The following RPS6KC1 variants were observed in gnomAD, a reference collection of about 807,000 sequenced individuals.
RPS6KC1 encodes the protein inactive ribosomal protein S6 kinase delta-1.
In RPS6KC1, 54 loss-of-function variants were observed where a neutral mutation model predicts 103.8. The ratio of observed to expected loss-of-function variants is 0.52; its 90% CI spans 0.42 to 0.65. RPS6KC1 has a LOEUF of 0.65. Ranked by LOEUF, RPS6KC1 falls within the 30% of genes least tolerant of loss-of-function variation. The probability of loss-of-function intolerance (pLI) is 0.00; values close to 1 mark genes in which losing one functional copy is unlikely to be tolerated. For synonymous variants in RPS6KC1, 439 were observed against 438.7 expected, an observed-to-expected ratio of 1.00 and a Z score of -0.01; for missense variants, 1,151 against 1,253.8, an observed-to-expected ratio of 0.92 and a Z score of 1.24.
At chr1:213,437,560 A>C in the RPS6KC1 span, among the ~76,000 whole-genome samples, 1 of 152,032 alleles carries the variant, frequency 6.6e-6, no homozygotes, top group African/African-American at 2.4e-5. Flanking sequence ...CTTCTTTCTT[A>C]AATATTTAGA....
At chr1:213,505,144 C>T in the RPS6KC1 span, among the ~76,000 whole-genome samples, 5 of 152,192 alleles carry the variant, frequency 3.3e-5, no homozygotes, top group Admixed American at 6.5e-5. Context: ...CAAGTATCCC[C>T]TGAGATCCTA....
chr1:213,154,640 T>C (rs2089662392), intron 6 of RPS6KC1, among the ~76,000 whole-genome samples: 1 of 152,206 alleles, frequency 6.6e-6, no homozygotes, highest in African/African-American at 2.4e-5. Flanking sequence ...GGACTCACCC[T>C]TGAGGGTAGT....
intron 12 of RPS6KC1, 117 bp from the exon 13 acceptor site, chr1:213,261,441 G>A: frequency 2.3e-6 from 2 of 861,692 alleles, no homozygotes. Context: ...TGAAAGCCCA[G>A]TAGTATTTAG....
At chr1:213,803,301 C>T in the RPS6KC1 span, among the ~76,000 whole-genome samples, 7 of 136,288 alleles carry the variant, frequency 5.1e-5, no homozygotes, top group East Asian at 4.6e-4. Context: ...GGCTGGAGTA[C>T]GGTGGCATGA....
chr1:213,729,724 TTTTTTA>T, the RPS6KC1 span, among the ~76,000 whole-genome samples: 218 of 152,252 alleles, frequency 1.4e-3, 2 homozygotes, highest in African/African-American at 4.6e-3. Context: ...GACTTATTCT[TTTTTTA>T]TTTTTATTTT....
chr1:213,332,042 A>AAAAC, the RPS6KC1 span, among the ~76,000 whole-genome samples: 3 of 152,132 alleles, frequency 2.0e-5, no homozygotes, highest in Non-Finnish European at 4.4e-5. Context: ...AAAAAAAAAA[A>AAAAC]AAAAGACAAT....
Position 213,272,812 on chromosome 1 carries a change from T to C in RPS6KC1, c.*178T>C, listed in dbSNP as rs2095075997. ...ACAATTCGTTTACAATTACAAGATA[T>C]TAGCTAATTGTGCCAGGGGCTGTTA... On this transcript the variant is annotated 3_prime_UTR_variant, in exon 15 of 15. Transcript: ENST00000366960. The C allele has an allele frequency of 1.9e-6, 1 of 530,266 alleles. No individual in the cohort carries two copies. Among genetic ancestry groups the C allele is most frequent in the South Asian group, 2.1e-5 (1 of 47,390 alleles). The allele number at this position is 530,266 out of a possible 1,614,324, so 32.8% of individuals were successfully genotyped here. A position where few individuals can be genotyped will look rare whatever the true frequency, so the allele number is the denominator to read the frequency against.
At chr1:213,060,637 A>T (rs931258027) in intron 1 of RPS6KC1, among the ~76,000 whole-genome samples, 11 of 152,264 alleles carry the variant, frequency 7.2e-5, no homozygotes, top group African/African-American at 2.4e-4. Context: ...TGTCTCAGAT[A>T]TTAAGATTTT....
At chr1:213,472,066 A>G in the RPS6KC1 span, among the ~76,000 whole-genome samples, 1 of 152,134 alleles carries the variant, frequency 6.6e-6, no homozygotes, top group African/African-American at 2.4e-5. Flanking sequence ...GCTGCCTGGA[A>G]TGATTTTTGT....
intron 8 of RPS6KC1, among the ~76,000 whole-genome samples, chr1:213,211,719 G>C (rs915248917): frequency 2.0e-5 from 3 of 152,116 alleles, no homozygotes; most frequent in African/African-American, 7.2e-5. Context: ...TTGAGGAATG[G>C]CTTATGTTCA....
chr1:213,824,120 A>T, the RPS6KC1 span, among the ~76,000 whole-genome samples: 1 of 152,224 alleles, frequency 6.6e-6, no homozygotes, highest in Admixed American at 6.5e-5. Flanking sequence ...ATGAACATTA[A>T]GGGCCTCCTA....
chr1:213,246,532 T>C (rs1364131048), intron 12 of RPS6KC1, among the ~76,000 whole-genome samples: 4 of 152,200 alleles, frequency 2.6e-5, no homozygotes, highest in Non-Finnish European at 4.4e-5. Context: ...TCTGATTTTA[T>C]ATCTGTTTTT....
the RPS6KC1 span, among the ~76,000 whole-genome samples, chr1:213,401,567 G>GC: frequency 6.6e-6 from 1 of 152,118 alleles, no homozygotes; most frequent in African/African-American, 2.4e-5. Flanking sequence ...GATGTCATGT[G>GC]CCCCATCACA....
the RPS6KC1 span, among the ~76,000 whole-genome samples, chr1:213,626,801 C>G: frequency 6.6e-6 from 1 of 152,166 alleles, no homozygotes; most frequent in Admixed American, 6.5e-5. Flanking sequence ...TGTTTTGGTA[C>G]CAGTACCATG....
the RPS6KC1 span, among the ~76,000 whole-genome samples, chr1:213,318,656 G>T: frequency 6.6e-6 from 1 of 152,314 alleles, no homozygotes. Context: ...GCAAGGAGGA[G>T]CAAGTCATGT....
At chr1:213,515,355 G>T in the RPS6KC1 span, among the ~76,000 whole-genome samples, 5 of 152,224 alleles carry the variant, frequency 3.3e-5, no homozygotes, top group African/African-American at 1.2e-4. Context: ...GGGTTTTTAC[G>T]TTGTTAGGTC....
the RPS6KC1 span, among the ~76,000 whole-genome samples, chr1:213,609,268 A>G: frequency 6.6e-6 from 1 of 152,236 alleles, no homozygotes; most frequent in Non-Finnish European, 1.5e-5. Flanking sequence ...CTAGAATTTC[A>G]GGTTCAAATG....
the RPS6KC1 span, among the ~76,000 whole-genome samples, chr1:213,788,966 C>T: frequency 6.6e-6 from 1 of 152,078 alleles, no homozygotes; most frequent in Non-Finnish European, 1.5e-5. Context: ...CTTTCCAGAG[C>T]AGAGGGGAAA....
the RPS6KC1 span, among the ~76,000 whole-genome samples, chr1:213,649,780 C>A: frequency 3.9e-5 from 6 of 152,306 alleles, no homozygotes; most frequent in Non-Finnish European, 7.4e-5. Flanking sequence ...ACATCTGACT[C>A]GTCTCAGTGA....
Sources: gnomAD v4.1 joint callset for allele counts (sites outside exome capture counted in the v4.1 genomes callset) on GRCh38, gnomAD v4.1.1 for gene constraint, MANE v1.5 for transcripts, NCBI Gene and HGNC (gene_info 2026-07-23, HGNC 2026-07-21) for gene names.